The following CYP1A2 variants were observed in gnomAD, a reference collection of about 807,000 sequenced individuals.
CYP1A2 encodes cytochrome P450 1A2.
CYP1A2 carries 35 observed loss-of-function variants against 34.7 expected under a neutral mutation model. That is an observed-to-expected ratio of 1.01 (90% confidence interval 0.77 to 1.34). CYP1A2 has a LOEUF of 1.34. Among genes scored for constraint, CYP1A2 ranks in the 40% most tolerant of loss-of-function variants. The pLI is 0.00. For synonymous variants in CYP1A2, 288 were observed against 281.9 expected (o/e 1.02, Z -0.22); for missense variants, 675 against 675.8 (o/e 1.00, Z 0.01).
Position 74,755,186 on chromosome 15 carries a change from C to A in CYP1A2, c.*98C>A. The A allele has an allele frequency of 3.2e-5, 45 of 1,388,800 alleles. No individual in the cohort carries two copies. Among genetic ancestry groups the A allele is most frequent in the Non-Finnish European group, 4.4e-5 (45 of 1,034,374 alleles). The allele number at this position is 1,388,800 out of a possible 1,614,324, so 86.0% of individuals were successfully genotyped here. A position where few individuals can be genotyped will look rare whatever the true frequency, so the allele number is the denominator to read the frequency against. On this transcript the variant is annotated 3_prime_UTR_variant, in exon 7 of 7. Transcript: ENST00000343932. ...CCTTTCTTTTTTTAAAAAATAGCAG[C>A]TTTAGCCAAGTGCAGGGCCTGTAAT...
At chr15:74,754,601 C>CAA (rs879367778) in intron 6 of CYP1A2, among the ~76,000 whole-genome samples, 190 bp from the exon 7 acceptor site, 1 of 128,310 alleles carries the variant, frequency 7.8e-6, no homozygotes. Context: ...GAGGGTGTCT[C>CAA]AAAAAAAAAA....
In CYP1A2 at chr15:74,752,196, T is replaced by C. The variant is rs2063319019; in HGVS notation, c.1115T>C (p.Ile372Thr). Residue 372 changes from isoleucine (I) to threonine (T), a missense_variant, in exon 5 of 7, where the codon ATC becomes ACC. Transcript: ENST00000343932. Reference sequence around the variant, plus strand: ...CAGCTGCCCTACTTGGAGGCCTTCATCCTGGAGACCTTCCGACACTCCTCC... The same window carrying C: ...CAGCTGCCCTACTTGGAGGCCTTCACCCTGGAGACCTTCCGACACTCCTCC... ...RPQLPYLEAF[I>T]LETFRHSSFL... is the part of the protein sequence containing the mutation. The C allele has an allele frequency of 6.2e-7, 1 of 1,614,046 alleles. No homozygotes were observed. The highest frequency in any genetic ancestry group is 8.5e-7 in the Non-Finnish European group (1 of 1,179,976).
chr15:74,755,381 C>A lies in CYP1A2; in HGVS notation c.*293C>A, dbSNP rs1020914750. On this transcript the variant is annotated 3_prime_UTR_variant, in exon 7 of 7. Coordinates refer to ENST00000343932, the MANE Select transcript of CYP1A2 (RefSeq NM_000761.5). Reference sequence around the variant, plus strand: ...AAAAAACAAACAAACAAAAAAAAAACCATATATATACATATATATATAGCA... The same window carrying A: ...AAAAAACAAACAAACAAAAAAAAAAACATATATATACATATATATATAGCA... 5.4e-5 allele frequency: 14 copies of A among 260,798 alleles called. No individual in the cohort carries two copies. The highest frequency in any genetic ancestry group is 2.6e-4 in the African/African-American group (11 of 41,836). 16.2% of individuals were successfully genotyped at this position (260,798 alleles called of 1,614,324 possible).
intron 2 of CYP1A2, 118 bp from the exon 3 acceptor site, chr15:74,751,071 A>T: frequency 7.1e-7 from 1 of 1,415,300 alleles, no homozygotes. Flanking sequence ...CTGCCTAGAG[A>T]CCAAGTTGGG....
Position 74,749,990 on chromosome 15 carries a change from C to T in CYP1A2, c.252C>T (p.Pro84=), listed in dbSNP as rs777148966. 1.1e-5 allele frequency: 18 copies of T among 1,613,996 alleles called. No homozygotes were observed. The highest frequency in any genetic ancestry group is 1.6e-4 in the Middle Eastern group (1 of 6,084). The change falls in exon 2 of 7, where the codon CCC becomes CCT. Residue 84 remains proline, a synonymous_variant. Coordinates refer to ENST00000343932, the MANE Select transcript of CYP1A2 (RefSeq NM_000761.5). Reference sequence around the variant, plus strand: ...TGCAGATCCGCATTGGCTCCACGCCCGTGCTGGTGCTGAGCCGCCTGGACA... The same window carrying T: ...TGCAGATCCGCATTGGCTCCACGCCTGTGCTGGTGCTGAGCCGCCTGGACA... The part of the protein sequence containing the change: ...DVLQIRIGST[P]VLVLSRLDTI...
At position 74,752,260 on chromosome 15, in the gene CYP1A2, G is replaced by A. The variant is rs775185344; in HGVS notation, c.1166+13G>A. On this transcript the variant is annotated intron_variant, in intron 5 of 6. Coordinates refer to ENST00000343932, the MANE Select transcript of CYP1A2 (RefSeq NM_000761.5). ...CCATCCCCCACAGGTGAGGCCTGCC[G>A]GTTCTGCCCTCCCACCTCTAAAGTG... is the stretch of plus-strand genomic sequence containing the variant. The A allele has an allele frequency of 1.7e-5, 28 of 1,613,152 alleles. 1 individual carries two copies. The African/African-American group carries it at 2.0e-4, about 12-fold the overall frequency.
At position 74,755,383 on chromosome 15, in the gene CYP1A2, A is replaced by G. The variant is rs968115050; in HGVS notation, c.*295A>G. 54 of 234,870 alleles carry G rather than the reference A, an allele frequency of 2.3e-4. No homozygotes were observed. Among genetic ancestry groups the G allele is most frequent in the African/African-American group, 1.2e-3 (54 of 43,368 alleles). 14.5% of individuals were successfully genotyped at this position (234,870 alleles called of 1,614,324 possible). A position where few individuals can be genotyped will look rare whatever the true frequency, so the allele number is the denominator to read the frequency against. ...AAAACAAACAAACAAAAAAAAAACC[A>G]TATATATACATATATATATAGCAGC... On this transcript the variant is annotated 3_prime_UTR_variant, in exon 7 of 7. Transcript: ENST00000343932.
Position 74,751,384 on chromosome 15 carries a change from C to T in CYP1A2, c.952+75C>T, listed in dbSNP as rs927810078. On this transcript the variant is annotated intron_variant, in intron 3 of 6. Transcript: ENST00000343932. Reference sequence around the variant, plus strand: ...CACAGCCTTGCCCAGCCCCTCAGTCCATGAAATAACCCACCAACCCTACAC... The same window carrying T: ...CACAGCCTTGCCCAGCCCCTCAGTCTATGAAATAACCCACCAACCCTACAC... 3.8e-6 allele frequency: 6 copies of T among 1,581,520 alleles called. No individual in the cohort carries two copies. In the African/African-American group the frequency reaches 5.4e-5, roughly 14 times the overall value.
chr15:74,754,347 G>C (rs1402774487), intron 6 of CYP1A2, among the ~76,000 whole-genome samples: 1 of 148,928 alleles, frequency 6.7e-6, no homozygotes, highest in Admixed American at 6.8e-5. Flanking sequence ...ACTCATGCCT[G>C]TAACCCCAGC....
chr15:74,752,351 C>T (rs940415241), intron 5 of CYP1A2, 104 bp downstream of exon 5: 10 of 1,499,132 alleles, frequency 6.7e-6, no homozygotes, highest in Non-Finnish European at 9.1e-6. Flanking sequence ...TTCCCGACCT[C>T]GTTCCCCACA....
Position 74,750,235 on chromosome 15 carries a change from G to A in CYP1A2, c.497G>A (p.Ser166Asn). 1 of 1,614,216 alleles carries A rather than the reference G, an allele frequency of 6.2e-7. No homozygotes were observed. The highest frequency in any genetic ancestry group is 8.5e-7 in the Non-Finnish European group (1 of 1,180,038). The change falls in exon 2 of 7, where the codon AGC (serine) becomes AAC (asparagine). Residue 166 changes from serine to asparagine, a missense_variant. Ser to Asn is a conservative substitution (Grantham distance 46). Coordinates refer to ENST00000343932, the MANE Select transcript of CYP1A2 (RefSeq NM_000761.5). Reference protein sequence around the residue: ...SSSCYLEEHVSKEAKALISRL... With the variant: ...SSSCYLEEHVNKEAKALISRL... ...TCCTGCTACCTGGAGGAGCATGTGA[G>A]CAAGGAGGCTAAGGCCCTGATCAGC...
In CYP1A2 at chr15:74,753,483, C is replaced by A. The variant is rs1260633354; in HGVS notation, c.1253+213C>A. ...CAGTGGCTCAAGCCTATAATCCCAG[C>A]AGTTTGGGAGGCCGAGGCAGGCAGA... On this transcript the variant is annotated intron_variant, in intron 6 of 6. Transcript: ENST00000343932. Among the ~76,000 whole-genome samples the A allele has an allele frequency of 4.6e-5, 7 of 152,288 alleles. No homozygotes were observed. In the East Asian group the frequency reaches 1.3e-3, roughly 29 times the overall value.
In CYP1A2 at chr15:74,751,750, C is replaced by T. The variant is rs2063316305; in HGVS notation, c.953-15C>T. 1 of 1,611,480 alleles carries T rather than the reference C, an allele frequency of 6.2e-7. No individual in the cohort carries two copies. Among genetic ancestry groups the T allele is most frequent in the Non-Finnish European group, 8.5e-7 (1 of 1,178,228 alleles). ...CTGTCTTCCTTCTTTCCTCACCTTA[C>T]ACTACACGGTTCAGGATTTGACACA... On this transcript the variant is annotated splice_polypyrimidine_tract_variant and intron_variant, in intron 3 of 6. Transcript: ENST00000343932.
chr15:74,749,633 C>A, intron 1 of CYP1A2, 97 bp from the exon 2 acceptor site: 1 of 1,050,974 alleles, frequency 9.5e-7, no homozygotes, highest in Non-Finnish European at 1.4e-6. Context: ...GAGCCAAGCA[C>A]AGAACACGCA....
chr15:74,751,163 G>A (rs751754228), intron 2 of CYP1A2, 26 bp from the exon 3 acceptor site: 1 of 1,612,896 alleles, frequency 6.2e-7, no homozygotes, highest in Non-Finnish European at 8.5e-7. Context: ...AGTGCCAGAG[G>A]TGCCCCTAAG....
In CYP1A2 at chr15:74,754,972, C is replaced by T. The variant is rs749432778; in HGVS notation, c.1435C>T (p.Leu479=). The T allele has an allele frequency of 6.2e-7, 1 of 1,614,264 alleles. No individual in the cohort carries two copies. The highest frequency in any genetic ancestry group is 2.2e-5 in the East Asian group (1 of 44,886). Residue 479 remains leucine (L), a synonymous_variant, in exon 7 of 7, where the codon CTG becomes TTG. Coordinates refer to ENST00000343932, the MANE Select transcript of CYP1A2 (RefSeq NM_000761.5). Reference sequence around the variant, plus strand: ...CTTCCTGGCCATCCTGCTACAGCAACTGGAGTTCAGCGTGCCGCCGGGCGT... The same window carrying T: ...CTTCCTGGCCATCCTGCTACAGCAATTGGAGTTCAGCGTGCCGCCGGGCGT... ...FLFLAILLQQ[L]EFSVPPGVKV... is the part of the protein sequence containing the mutation.
chr15:74,752,505 G>A (rs1030979152), intron 5 of CYP1A2, among the ~76,000 whole-genome samples: 5 of 151,972 alleles, frequency 3.3e-5, no homozygotes, highest in African/African-American at 7.3e-5. Flanking sequence ...CAGTCAGGTC[G>A]GCCTCACCCT....
intron 1 of CYP1A2, 59 bp from the exon 2 acceptor site, chr15:74,749,671 T>C: frequency 7.6e-7 from 1 of 1,313,686 alleles, no homozygotes; most frequent in Non-Finnish European, 1.0e-6. Context: ...ACTGAGGAAA[T>C]GAATGAATGA....
intron 5 of CYP1A2, 140 bp downstream of exon 5, chr15:74,752,387 C>T: frequency 2.5e-6 from 3 of 1,204,692 alleles, no homozygotes; most frequent in Admixed American, 4.3e-5. Context: ...CTGCCCCCAT[C>T]CAGTCCAAAC....
Sources: allele counts gnomAD v4.1 joint callset (sites outside exome capture counted in the v4.1 genomes callset), GRCh38; gene constraint gnomAD v4.1.1; transcripts MANE v1.5; gene names NCBI Gene and HGNC (gene_info 2026-07-23, HGNC 2026-07-21).